The following LVRN variants were observed in gnomAD, a reference collection of about 807,000 sequenced individuals.
The protein encoded by LVRN is aminopeptidase Q.
A neutral mutation model predicts 111.4 loss-of-function variants in LVRN; 99 were observed. The ratio of observed to expected loss-of-function variants is 0.89; its 90% confidence interval spans 0.76 to 1.05. LVRN has a LOEUF of 1.05. Among genes scored for constraint, LVRN ranks in the 50% least tolerant of loss-of-function variants. The probability of loss-of-function intolerance (pLI) is 0.00; values close to 1 mark genes in which losing one functional copy is unlikely to be tolerated. For missense variants in LVRN, 1,414 were observed against 1,206.8 expected, an observed-to-expected ratio of 1.17 and a Z score of -2.54; for synonymous variants, 488 against 449.5, an observed-to-expected ratio of 1.09 and a Z score of -1.08.
In LVRN at chr5:116,001,302, T is replaced by TA; in HGVS notation, c.1820+63_1820+64insA. The TA allele has an allele frequency of 3.2e-6, 5 of 1,561,526 alleles. No homozygotes were observed. The South Asian group carries it at 5.7e-5, about 18-fold the overall frequency. Reference sequence around the variant, plus strand: ...GGGGTTGAGCTCTGACCCAATGGAATCCAGCCTGTGGGTGAAGAAGCGTTA... The same window carrying TA: ...GGGGTTGAGCTCTGACCCAATGGAATACCAGCCTGTGGGTGAAGAAGCGTTA... On this transcript the variant is annotated intron_variant, in intron 10 of 19. Coordinates refer to ENST00000357872, the MANE Select transcript of LVRN (RefSeq NM_173800.5).
intron 3 of LVRN, among the ~76,000 whole-genome samples, chr5:115,987,534 C>T (rs1265006738): frequency 1.3e-5 from 2 of 152,130 alleles, no homozygotes; most frequent in Non-Finnish European, 2.9e-5. Context: ...GGGGTAGATG[C>T]TGGTACAACC....
intron 1 of LVRN, among the ~76,000 whole-genome samples, chr5:115,976,975 G>A (rs1753462496): frequency 6.6e-6 from 1 of 152,052 alleles, no homozygotes; most frequent in Non-Finnish European, 1.5e-5. Flanking sequence ...CACCCATCTA[G>A]TCTCCCTCTG....
rs1471934487 is a variant in LVRN, at chr5:115,968,209, A to G, written c.695+4897A>G. ...TTTTTAGCCTTTACAACTGAGCATAATATTAAATGTAGGTTTCTGTATATG... is the reference window on the plus strand; with the variant it reads ...TTTTTAGCCTTTACAACTGAGCATAGTATTAAATGTAGGTTTCTGTATATG... On this transcript the variant is annotated intron_variant, in intron 1 of 19. Coordinates refer to ENST00000357872, the MANE Select transcript of LVRN (RefSeq NM_173800.5). Among the ~76,000 whole-genome samples the G allele has an allele frequency of 4.6e-5, 7 of 152,278 alleles. No individual in the cohort carries two copies. In the East Asian group the frequency reaches 1.3e-3, roughly 29 times the overall value.
chr5:115,987,100 A>G (rs1191723922), intron 3 of LVRN, among the ~76,000 whole-genome samples: 1 of 152,156 alleles, frequency 6.6e-6, no homozygotes, highest in Admixed American at 6.5e-5. Flanking sequence ...ACAATAGGAT[A>G]TTACTCACAA....
intron 16 of LVRN, 24 bp downstream of exon 16, chr5:116,014,551 CTT>C (rs774307896): frequency 1.3e-6 from 2 of 1,574,860 alleles, no homozygotes; most frequent in Non-Finnish European, 8.7e-7. Flanking sequence ...CATAATTCCT[CTT>C]GTTTTTGTCC....
At chr5:115,994,377 G>A (rs1748061286) in intron 6 of LVRN, among the ~76,000 whole-genome samples, 1 of 152,046 alleles carries the variant, frequency 6.6e-6, no homozygotes, top group East Asian at 1.9e-4. Context: ...GGCTCAAGCA[G>A]TCCTCCCACC....
chr5:116,002,751 A>G (rs1225204508), intron 10 of LVRN, 84 bp from the exon 11 acceptor site: 7 of 984,638 alleles, frequency 7.1e-6, no homozygotes, highest in Non-Finnish European at 1.1e-5. Flanking sequence ...TCTGTGTGCT[A>G]TTTCATCATC....
chr5:115,986,705 A>G (rs748546105), intron 3 of LVRN, among the ~76,000 whole-genome samples: 9 of 152,244 alleles, frequency 5.9e-5, no homozygotes, highest in South Asian at 4.1e-4. Context: ...CATGAAATGG[A>G]AAGTGTGGTT....
rs943208149 is a variant in LVRN at position 116,015,155 on chromosome 5, A to G, written c.2451-97A>G. The stretch of plus-strand genomic sequence containing the variant: ...CCTACTTTTGACCTTTATATCTGTG[A>G]CTATAAATATTTTTTCTAGATTCAT... On this transcript the variant is annotated intron_variant, in intron 16 of 19. Coordinates refer to ENST00000357872, the MANE Select transcript of LVRN (RefSeq NM_173800.5). The G allele has an allele frequency of 5.7e-6, 5 of 880,964 alleles. No individual in the cohort carries two copies. The African/African-American group carries it at 7.2e-5, about 13-fold the overall frequency. The allele number at this position is 880,964 out of a possible 1,614,324, so 54.6% of individuals were successfully genotyped here.
intron 3 of LVRN, 143 bp downstream of exon 3, chr5:115,984,852 T>A: frequency 1.7e-6 from 2 of 1,173,318 alleles, no homozygotes; most frequent in Non-Finnish European, 2.4e-6. Flanking sequence ...AAGTTCTTAG[T>A]GTGGCTTTGC....
chr5:115,987,017 C>T (rs150125371), intron 3 of LVRN, among the ~76,000 whole-genome samples: 2 of 151,452 alleles, frequency 1.3e-5, no homozygotes, highest in Non-Finnish European at 2.9e-5. Context: ...GCTGGCAATT[C>T]TATTAAAAAT....
chr5:115,982,797 C>T (rs1218713318), intron 1 of LVRN, among the ~76,000 whole-genome samples: 2 of 151,926 alleles, frequency 1.3e-5, no homozygotes, highest in Non-Finnish European at 2.9e-5. Context: ...TTGTTTACTC[C>T]CAAGAGTGTC....
rs1004519598 is a variant in LVRN at position 115,991,990 on chromosome 5, C to G, written c.1106-133C>G. On this transcript the variant is annotated intron_variant, in intron 4 of 19. Coordinates refer to ENST00000357872, the MANE Select transcript of LVRN (RefSeq NM_173800.5). ...GTCTTTGGCATTAGTCTTTAAAAAG[C>G]CTTCTCTCCGTTCAGGTTATAAATA... is the stretch of plus-strand genomic sequence containing the variant. 33 of 760,822 alleles carry G rather than the reference C, an allele frequency of 4.3e-5. No individual in the cohort carries two copies. The South Asian group carries it at 5.7e-4, about 13-fold the overall frequency. The allele number at this position is 760,822 out of a possible 1,614,324, so 47.1% of individuals were successfully genotyped here.
At position 115,996,454 on chromosome 5, in the gene LVRN, A is replaced by C. The variant is rs143626863; in HGVS notation, c.1374+2600A>C. ...CTGAGTGAAAGCATCAGATCTTGGC[A>C]ACTGAGGACATTGCCACGTTCTTTG... On this transcript the variant is annotated intron_variant, in intron 6 of 19. Coordinates refer to ENST00000357872, the MANE Select transcript of LVRN (RefSeq NM_173800.5). Among the ~76,000 whole-genome samples the C allele has an allele frequency of 4.2e-3, 632 of 152,256 alleles. 2 individuals are homozygous for C. The highest frequency in any genetic ancestry group is 6.8e-3 in the Middle Eastern group (2 of 292).
intron 17 of LVRN, 51 bp downstream of exon 17, chr5:116,015,470 A>T: frequency 6.7e-7 from 1 of 1,485,740 alleles, no homozygotes; most frequent in Non-Finnish European, 8.9e-7. Flanking sequence ...AATTAAATTA[A>T]TAAAGGAAAA....
At chr5:116,000,259 T>C (rs1230537715) in intron 7 of LVRN, among the ~76,000 whole-genome samples, 174 bp from the exon 8 acceptor site, 1 of 152,246 alleles carries the variant, frequency 6.6e-6, no homozygotes, top group Non-Finnish European at 1.5e-5. Context: ...CTTTTACCTC[T>C]GAATTAGTGA....
intron 1 of LVRN, among the ~76,000 whole-genome samples, chr5:115,977,738 A>G (rs1421379536): frequency 6.6e-6 from 1 of 152,178 alleles, no homozygotes; most frequent in Non-Finnish European, 1.5e-5. Context: ...AATCAGTTGC[A>G]TAAACTCCTG....
At chr5:116,009,822 T>A (rs1006351217) in intron 13 of LVRN, among the ~76,000 whole-genome samples, 1 of 152,160 alleles carries the variant, frequency 6.6e-6, no homozygotes, top group Non-Finnish European at 1.5e-5. Flanking sequence ...AAGAATCTAA[T>A]CCTGGTGAAG....
intron 18 of LVRN, among the ~76,000 whole-genome samples, chr5:116,018,985 C>T (rs1323445638): frequency 6.6e-6 from 1 of 152,052 alleles, no homozygotes; most frequent in Non-Finnish European, 1.5e-5. Context: ...CATTTACAGT[C>T]ACGAGTTGAT....
Sources: gnomAD v4.1 joint callset for allele counts (sites outside exome capture counted in the v4.1 genomes callset) on GRCh38, gnomAD v4.1.1 for gene constraint, MANE v1.5 for transcripts, NCBI Gene and HGNC (gene_info 2026-07-23, HGNC 2026-07-21) for gene names.